Variants in SCAPER observed in about 807,000 individuals in gnomAD.
SCAPER encodes the protein S phase cyclin A-associated protein in the endoplasmic reticulum.
A neutral mutation model predicts 182.2 loss-of-function variants in SCAPER; 98 were observed. The observed-to-expected ratio is 0.54, with a 90% CI of 0.46 to 0.64. The LOEUF is 0.64. Among genes scored for constraint, SCAPER ranks in the 30% least tolerant of loss-of-function variants. The pLI is 0.00. For missense variants in SCAPER, 1,432 were observed against 1,690.0 expected (o/e 0.85, Z 2.68); for synonymous variants, 605 against 564.6 (o/e 1.07, Z -1.01).
chr15:76,441,751 T>C lies in SCAPER; in HGVS notation c.3079-7441A>G, dbSNP rs534728245. Among the ~76,000 whole-genome samples, 6 of 152,322 alleles carry C rather than the reference T, an allele frequency of 3.9e-5. 1 individual carries two copies. Among genetic ancestry groups the C allele is most frequent in the African/African-American group, 1.4e-4 (6 of 41,570 alleles). ...TTTCTCTCCCCAAACCTATCTTCCC[T>C]TTCTTGCTTACTCAACTTTATTTTT... On this transcript the variant is annotated intron_variant, in intron 25 of 31. Coordinates refer to ENST00000563290, the MANE Select transcript of SCAPER (RefSeq NM_020843.4).
In SCAPER at chr15:76,804,470, G is replaced by A. The variant is rs747929194; in HGVS notation, c.494+63C>T. 22 of 1,090,850 alleles carry A rather than the reference G, an allele frequency of 2.0e-5. 1 individual carries two copies. The highest frequency in any genetic ancestry group is 1.2e-4 in the East Asian group (5 of 40,344). The allele number at this position is 1,090,850 out of a possible 1,614,324, so 67.6% of individuals were successfully genotyped here. A position where few individuals can be genotyped will look rare whatever the true frequency, so the allele number is the denominator to read the frequency against. The stretch of plus-strand genomic sequence containing the variant: ...CAATATGAGGTTAAGTTTATTGTCC[G>A]TTTCAGTGATTGCTATTGAAACTGC... On this transcript the variant is annotated intron_variant, in intron 6 of 31. Coordinates refer to ENST00000563290, the MANE Select transcript of SCAPER (RefSeq NM_020843.4).
intron 22 of SCAPER, among the ~76,000 whole-genome samples, chr15:76,606,548 T>A (rs1231681235): frequency 6.6e-6 from 1 of 151,994 alleles, no homozygotes; most frequent in Non-Finnish European, 1.5e-5. Flanking sequence ...GGTGCAGAGC[T>A]GAGTTCAATT....
intron 22 of SCAPER, among the ~76,000 whole-genome samples, chr15:76,611,138 G>A (rs1236760288): frequency 2.0e-5 from 3 of 151,884 alleles, no homozygotes; most frequent in Non-Finnish European, 4.4e-5. Context: ...TCTTTGACAA[G>A]GGCACCAAGA....
intron 1 of SCAPER, among the ~76,000 whole-genome samples, chr15:76,898,401 T>C (rs1351525115): frequency 1.3e-5 from 2 of 152,206 alleles, no homozygotes; most frequent in African/African-American, 2.4e-5. Flanking sequence ...CCTAGGTTTA[T>C]ACTCAAGAGA....
At chr15:76,455,643 T>G (rs2048673844) in intron 25 of SCAPER, among the ~76,000 whole-genome samples, 1 of 152,188 alleles carries the variant, frequency 6.6e-6, no homozygotes, top group Admixed American at 6.5e-5. Flanking sequence ...CCTAGTATTT[T>G]TTAACTTTTT....
intron 5 of SCAPER, among the ~76,000 whole-genome samples, chr15:76,821,484 T>C (rs1276798093): frequency 1.3e-5 from 2 of 152,078 alleles, no homozygotes; most frequent in African/African-American, 2.4e-5. Context: ...TAGCCAGGCA[T>C]AGTGGTGCGT....
chr15:76,417,845 C>T (rs1367092908), intron 26 of SCAPER, among the ~76,000 whole-genome samples: 2 of 152,122 alleles, frequency 1.3e-5, no homozygotes, highest in East Asian at 1.9e-4. Context: ...TGGTGAAACC[C>T]TGCCTCTACT....
chr15:76,609,174 C>A (rs2050750131), intron 22 of SCAPER, among the ~76,000 whole-genome samples: 1 of 152,118 alleles, frequency 6.6e-6, no homozygotes, highest in Non-Finnish European at 1.5e-5. Flanking sequence ...TCCTCCCTGG[C>A]ATTTCTTTTT....
intron 26 of SCAPER, 38 bp downstream of exon 26, chr15:76,434,040 A>T (rs2047033131): frequency 6.5e-7 from 1 of 1,532,606 alleles, no homozygotes; most frequent in Non-Finnish European, 8.9e-7. Flanking sequence ...ATAGTTTCTT[A>T]ACAAAGAACA....
intron 23 of SCAPER, among the ~76,000 whole-genome samples, chr15:76,543,570 A>G (rs2044979305): frequency 6.6e-6 from 1 of 152,174 alleles, no homozygotes; most frequent in Admixed American, 6.5e-5. Context: ...GAAACTAGAT[A>G]TATCTGCTAC....
intron 17 of SCAPER, among the ~76,000 whole-genome samples, chr15:76,708,279 C>T (rs1011840866): frequency 2.6e-5 from 4 of 151,836 alleles, no homozygotes; most frequent in Admixed American, 6.6e-5. Context: ...GTTGTCTTCC[C>T]GAATATTTTT....
Position 76,767,030 on chromosome 15 carries a change from T to C in SCAPER, c.1307A>G (p.Asn436Ser), listed in dbSNP as rs756001847. The change falls in exon 11 of 32, where the codon AAT (asparagine) becomes AGT (serine). Residue 436 changes from asparagine to serine, a missense_variant. Physicochemically the swap from Asn to Ser is conservative, Grantham distance 46. Coordinates refer to ENST00000563290, the MANE Select transcript of SCAPER (RefSeq NM_020843.4). ...EELADRLEKANEEAIASAIAE... is the reference protein window; with the variant it reads ...EELADRLEKASEEAIASAIAE... Reference sequence around the variant, plus strand: ...AATAGCACTAGCAATGGCTTCTTCATTGGCCTTTTCTAGACGATCTGCTAG... The same window carrying C: ...AATAGCACTAGCAATGGCTTCTTCACTGGCCTTTTCTAGACGATCTGCTAG... 1.2e-6 allele frequency: 2 copies of C among 1,605,568 alleles called. No individual in the cohort carries two copies. Among genetic ancestry groups the C allele is most frequent in the South Asian group, 1.1e-5 (1 of 90,012 alleles).
At chr15:76,871,749 C>G (rs926935358) in intron 2 of SCAPER, among the ~76,000 whole-genome samples, 2 of 151,800 alleles carry the variant, frequency 1.3e-5, no homozygotes, top group African/African-American at 4.8e-5. Context: ...CGCCACCATG[C>G]TCGGCTAATT....
chr15:76,799,382 G>A (rs986125566), intron 7 of SCAPER, among the ~76,000 whole-genome samples: 8 of 25,710 alleles, frequency 3.1e-4, no homozygotes, highest in Non-Finnish European at 5.7e-4. Context: ...ACCCGCCCCC[G>A]CCCCCAAATA....
chr15:76,437,138 G>A (rs2047250374), intron 25 of SCAPER, among the ~76,000 whole-genome samples: 1 of 152,110 alleles, frequency 6.6e-6, no homozygotes. Flanking sequence ...CAGTCACTTG[G>A]CTATACATAT....
chr15:76,492,175 C>T (rs2052385199), intron 24 of SCAPER, among the ~76,000 whole-genome samples: 1 of 152,150 alleles, frequency 6.6e-6, no homozygotes, highest in South Asian at 2.1e-4. Flanking sequence ...ATACTCTCTT[C>T]CTCTCCCCAA....
chr15:76,721,050 T>A (rs1171114726), intron 17 of SCAPER, among the ~76,000 whole-genome samples: 3 of 152,228 alleles, frequency 2.0e-5, no homozygotes, highest in African/African-American at 7.2e-5. Flanking sequence ...AGGGTTTTTA[T>A]GGTTTTAGGT....
In SCAPER at chr15:76,431,867, G is replaced by T. The variant is rs554111202; in HGVS notation, c.3311+2211C>A. ...TGGTATTTTTTGAAGCAGTATGGTT[G>T]TCAATCATCATTTTTAAGTCACATG... On this transcript the variant is annotated intron_variant, in intron 26 of 31. Transcript: ENST00000563290. Among the ~76,000 whole-genome samples the T allele has an allele frequency of 4.6e-5, 7 of 152,148 alleles. No homozygotes were observed. The South Asian group carries it at 1.0e-3, about 23-fold the overall frequency.
At chr15:76,720,748 T>C (rs888682798) in intron 17 of SCAPER, among the ~76,000 whole-genome samples, 1 of 152,240 alleles carries the variant, frequency 6.6e-6, no homozygotes, top group African/African-American at 2.4e-5. Context: ...TGTCTGTTCA[T>C]ATCCTTTGCC....
Sources: gnomAD v4.1 joint callset for allele counts (sites outside exome capture counted in the v4.1 genomes callset) on GRCh38, gnomAD v4.1.1 for gene constraint, MANE v1.5 for transcripts, NCBI Gene and HGNC (gene_info 2026-07-23, HGNC 2026-07-21) for gene names.